RBM47: variants seen among roughly 807,000 people sequenced by gnomAD.
RBM47 encodes the protein RNA binding motif protein 47, also known as RNA-binding protein 47.
In RBM47, 21 loss-of-function variants were observed where a neutral mutation model predicts 47.1. That is an observed-to-expected ratio of 0.45 (90% CI 0.32 to 0.64). The LOEUF (loss-of-function observed/expected upper bound fraction) is 0.64, where lower values mean the gene tolerates loss of function less well. Ranked by LOEUF, RBM47 falls within the 30% of genes least tolerant of loss-of-function variation. The pLI is 0.05. For missense variants in RBM47, 708 were observed against 870.9 expected, an observed-to-expected ratio of 0.81 and a Z score of 2.35; for synonymous variants, 375 against 361.7, an observed-to-expected ratio of 1.04 and a Z score of -0.42.
rs958506850 is a variant in RBM47, at chr4:40,602,709, G to A, written c.-240+26687C>T. On this transcript the variant is annotated intron_variant, in intron 1 of 6. Coordinates refer to ENST00000295971, the MANE Select transcript of RBM47 (RefSeq NM_001098634.2). ...GACAACTAGCCAAATGGGCAATTGA[G>A]AGAAGCAGCTCAGAATCTTAGATTC... 8.6e-5 allele frequency among the ~76,000 whole-genome samples: 13 copies of A among 151,454 alleles called. 1 individual carries two copies. The Middle Eastern group carries it at 0.021, about 244-fold the overall frequency.
At chr4:40,459,566 T>TA (rs1378904468) in intron 3 of RBM47, among the ~76,000 whole-genome samples, 1 of 151,872 alleles carries the variant, frequency 6.6e-6, no homozygotes, top group Non-Finnish European at 1.5e-5. Flanking sequence ...ACCCTATCTC[T>TA]AAAAAAAATT....
chr4:40,428,512 G>A (rs1715401706), intron 6 of RBM47, among the ~76,000 whole-genome samples: 3 of 152,178 alleles, frequency 2.0e-5, no homozygotes, highest in African/African-American at 7.2e-5. Flanking sequence ...GAAAGACTGT[G>A]GTTCACAGCA....
intron 1 of RBM47, among the ~76,000 whole-genome samples, chr4:40,557,369 C>T (rs1290397345): frequency 6.6e-6 from 1 of 152,164 alleles, no homozygotes; most frequent in African/African-American, 2.4e-5. Context: ...ACTGTAATTT[C>T]CTTGAGGACA....
At chr4:40,586,947 C>T (rs966061698) in intron 1 of RBM47, among the ~76,000 whole-genome samples, 3 of 152,108 alleles carry the variant, frequency 2.0e-5, no homozygotes, top group Admixed American at 1.3e-4. Flanking sequence ...GGGCACATCA[C>T]GTGATTTCCT....
At chr4:40,481,474 A>T (rs1315995297) in intron 2 of RBM47, among the ~76,000 whole-genome samples, 1 of 126,874 alleles carries the variant, frequency 7.9e-6, no homozygotes, top group Non-Finnish European at 1.7e-5. Context: ...TATTATTATT[A>T]TTATTATTAT....
At chr4:40,479,313 A>G (rs1289807495) in intron 2 of RBM47, among the ~76,000 whole-genome samples, 2 of 152,304 alleles carry the variant, frequency 1.3e-5, no homozygotes, top group East Asian at 1.9e-4. Flanking sequence ...TTAAAATTTA[A>G]AATGGTAGGC....
At chr4:40,586,868 G>T (rs1257644676) in intron 1 of RBM47, among the ~76,000 whole-genome samples, 1 of 152,108 alleles carries the variant, frequency 6.6e-6, no homozygotes, top group African/African-American at 2.4e-5. Flanking sequence ...CGGTATGAAG[G>T]GGCAGGAGGG....
chr4:40,620,515 CAA>C (rs897032603), intron 1 of RBM47, among the ~76,000 whole-genome samples: 1 of 151,872 alleles, frequency 6.6e-6, no homozygotes, highest in Non-Finnish European at 1.5e-5. Context: ...CAAAAAAAAA[CAA>C]AAAGTCTGTA....
chr4:40,496,681 G>A (rs11941284), intron 2 of RBM47, among the ~76,000 whole-genome samples: 25,933 of 152,100 alleles, frequency 0.17, 2,333 homozygotes, highest in African/African-American at 0.23. Flanking sequence ...CATTACATGC[G>A]TAATCTCTAA....
chr4:40,535,368 TTTC>T (rs1347484576), intron 2 of RBM47, among the ~76,000 whole-genome samples: 7 of 134,460 alleles, frequency 5.2e-5, no homozygotes, highest in African/African-American at 2.3e-4. Context: ...TGGTATGGTA[TTTC>T]TTTTTTTTTT....
intron 1 of RBM47, among the ~76,000 whole-genome samples, chr4:40,591,443 G>C (rs2154275154): frequency 6.6e-6 from 1 of 152,264 alleles, no homozygotes; most frequent in Admixed American, 6.5e-5. Context: ...AGCACTTTGA[G>C]AGGCCAAAGT....
chr4:40,519,320 G>C (rs1725943377), intron 2 of RBM47, among the ~76,000 whole-genome samples: 1 of 115,618 alleles, frequency 8.6e-6, no homozygotes, highest in South Asian at 2.5e-4. Flanking sequence ...TTTTTGAGAT[G>C]GAGTTTCACT....
chr4:40,519,372 A>C (rs1358198336), intron 2 of RBM47, among the ~76,000 whole-genome samples: 1 of 143,044 alleles, frequency 7.0e-6, no homozygotes, highest in Non-Finnish European at 1.5e-5. Flanking sequence ...ATCTTGGCTC[A>C]CTGCAATCTC....
chr4:40,613,735 T>A (rs56329579), intron 1 of RBM47, among the ~76,000 whole-genome samples: 2 of 151,884 alleles, frequency 1.3e-5, no homozygotes, highest in African/African-American at 2.4e-5. Context: ...GGCAGGAGGA[T>A]TGCTTGAACC....
chr4:40,437,136 TAC>T (rs1712718113), intron 4 of RBM47, among the ~76,000 whole-genome samples: 1 of 88,520 alleles, frequency 1.1e-5, no homozygotes, highest in African/African-American at 5.4e-5. Context: ...ATATATAAAA[TAC>T]ATATATATAT....
chr4:40,514,982 G>T (rs1375465245), intron 2 of RBM47, among the ~76,000 whole-genome samples: 1 of 152,206 alleles, frequency 6.6e-6, no homozygotes, highest in Non-Finnish European at 1.5e-5. Context: ...ATATGTAGAC[G>T]CAGTAGCATC....
chr4:40,619,265 C>CA (rs989548582), intron 1 of RBM47, among the ~76,000 whole-genome samples: 22 of 152,122 alleles, frequency 1.4e-4, no homozygotes, highest in African/African-American at 5.1e-4. Flanking sequence ...CCTGTCTCTA[C>CA]AAAAAAATCA....
intron 1 of RBM47, among the ~76,000 whole-genome samples, chr4:40,556,418 G>A (rs1376481936): frequency 1.3e-5 from 2 of 150,740 alleles, no homozygotes; most frequent in African/African-American, 4.9e-5. Context: ...GGTCATGCCT[G>A]TAATCCCAGC....
At chr4:40,581,439 A>AAT (rs1732922229) in intron 1 of RBM47, among the ~76,000 whole-genome samples, 1 of 138,210 alleles carries the variant, frequency 7.2e-6, no homozygotes, top group Non-Finnish European at 1.5e-5. Flanking sequence ...AGTAATAATA[A>AAT]ATAAATAAAT....
Sources: allele counts gnomAD v4.1 joint callset (sites outside exome capture counted in the v4.1 genomes callset), GRCh38; gene constraint gnomAD v4.1.1; transcripts MANE v1.5; gene names NCBI Gene and HGNC (gene_info 2026-07-23, HGNC 2026-07-21).